The following FREM2 variants were observed in gnomAD, a reference collection of about 807,000 sequenced individuals.
The protein encoded by FREM2 is FRAS1 related extracellular matrix 2.
In FREM2, 119 loss-of-function variants were observed where a neutral mutation model predicts 219.9. The observed-to-expected ratio is 0.54, with a 90% CI of 0.47 to 0.63. The LOEUF (loss-of-function observed/expected upper bound fraction) is 0.63, where lower values mean the gene tolerates loss of function less well. Ranked by LOEUF, FREM2 falls within the 30% of genes least tolerant of loss-of-function variation. FREM2 has a pLI of 0.00. For missense variants in FREM2, 4,030 were observed against 3,993.6 expected (o/e 1.01, Z -0.25); for synonymous variants, 1,562 against 1,522.8 (o/e 1.03, Z -0.60).
At chr13:38,809,688 C>T (rs1167760162) in intron 6 of FREM2, among the ~76,000 whole-genome samples, 2 of 151,914 alleles carry the variant, frequency 1.3e-5, no homozygotes, top group Admixed American at 6.6e-5. Context: ...GTCTAAGTGT[C>T]TGTAGATAGT....
intron 2 of FREM2, among the ~76,000 whole-genome samples, chr13:38,699,698 C>A (rs1174797916): frequency 1.3e-5 from 2 of 152,014 alleles, no homozygotes; most frequent in Non-Finnish European, 2.9e-5. Context: ...TACTTTAATT[C>A]CCCTGATATA....
intron 2 of FREM2, among the ~76,000 whole-genome samples, chr13:38,704,934 G>A (rs182193691): frequency 2.0e-5 from 3 of 152,078 alleles, no homozygotes; most frequent in East Asian, 1.9e-4. Flanking sequence ...CATGAGAACC[G>A]CATGGGGGAA....
At chr13:38,773,576 GTGTT>G (rs373391706) in intron 4 of FREM2, among the ~76,000 whole-genome samples, 2 of 151,966 alleles carry the variant, frequency 1.3e-5, no homozygotes, top group African/African-American at 4.8e-5. Flanking sequence ...TTGTTTCGTT[GTGTT>G]TGTTTGTTTT....
At chr13:38,838,162 C>A (rs1293666334) in intron 6 of FREM2, among the ~76,000 whole-genome samples, 2 of 152,158 alleles carry the variant, frequency 1.3e-5, no homozygotes, top group African/African-American at 4.8e-5. Flanking sequence ...CTGGTCATGA[C>A]AAAATGCTTC....
Position 38,851,813 on chromosome 13 carries a change from C to T in FREM2, c.6870C>T (p.Val2290=). The part of the protein sequence containing the change: ...GDTSKVSIVR[V]HTKDGSATSG... ...CTTCAAAGGTTTCCATTGTGAGAGT[C>T]CACACCAAGGATGGCTCGGCCACCT... Residue 2290 remains valine (V), a synonymous_variant, in exon 11 of 24, where the codon GTC becomes GTT. Coordinates refer to ENST00000280481, the MANE Select transcript of FREM2 (RefSeq NM_207361.6). 6.2e-7 allele frequency: 1 copy of T among 1,613,964 alleles called. No individual in the cohort carries two copies. Among genetic ancestry groups the T allele is most frequent in the Non-Finnish European group, 8.5e-7 (1 of 1,179,898 alleles).
intron 6 of FREM2, among the ~76,000 whole-genome samples, chr13:38,797,639 C>A (rs1357784998): frequency 6.6e-6 from 1 of 151,946 alleles, no homozygotes; most frequent in Non-Finnish European, 1.5e-5. Context: ...ATTTTCATTT[C>A]TCTCTCTGTG....
chr13:38,807,213 ATATATATATATATATG>A (rs1279505831), intron 6 of FREM2, among the ~76,000 whole-genome samples: 9 of 117,062 alleles, frequency 7.7e-5, no homozygotes, highest in South Asian at 5.7e-4. Context: ...ATATATATAT[ATATATATATATATATG>A]TATGGTTTTG....
Position 38,884,313 on chromosome 13 carries a change from A to G in FREM2, c.*3526A>G, listed in dbSNP as rs1393552186. The G allele has an allele frequency of 6.6e-6, 1 of 152,210 alleles. No individual in the cohort carries two copies. Among genetic ancestry groups the G allele is most frequent in the Middle Eastern group, 3.2e-3 (1 of 316 alleles). 9.4% of individuals were successfully genotyped at this position (152,210 alleles called of 1,614,324 possible). A position where few individuals can be genotyped will look rare whatever the true frequency, so the allele number is the denominator to read the frequency against. ...ATTAAAAATGTAAATGGACCTGTGT[A>G]AATATCACAGAGAGCTTTTCCTTAT... is the stretch of plus-strand genomic sequence containing the variant. On this transcript the variant is annotated 3_prime_UTR_variant, in exon 24 of 24. Coordinates refer to ENST00000280481, the MANE Select transcript of FREM2 (RefSeq NM_207361.6).
At chr13:38,732,237 C>T (rs1046010109) in intron 2 of FREM2, among the ~76,000 whole-genome samples, 1 of 152,152 alleles carries the variant, frequency 6.6e-6, no homozygotes, top group South Asian at 2.1e-4. Flanking sequence ...ATTATTCACT[C>T]CTGGATTTTT....
chr13:38,856,285 A>G (rs750668524), intron 12 of FREM2, 29 bp downstream of exon 12: 1 of 1,603,996 alleles, frequency 6.2e-7, no homozygotes. Flanking sequence ...ATGTAAATTC[A>G]TGGCTAGCAG....
intron 11 of FREM2, among the ~76,000 whole-genome samples, chr13:38,855,576 C>T (rs148465570): frequency 2.6e-5 from 4 of 152,210 alleles, no homozygotes; most frequent in Middle Eastern, 3.4e-3. Context: ...ATCGGCATTC[C>T]TAGCAACCTG....
chr13:38,881,785 C>G lies in FREM2; in HGVS notation c.*998C>G, dbSNP rs1230519057. On this transcript the variant is annotated 3_prime_UTR_variant, in exon 24 of 24. Coordinates refer to ENST00000280481, the MANE Select transcript of FREM2 (RefSeq NM_207361.6). ...ATAATCAGAGTGCCTCTTATACATACTTTATAGAATAAAGGAACATTTTGA... is the reference window on the plus strand; with the variant it reads ...ATAATCAGAGTGCCTCTTATACATAGTTTATAGAATAAAGGAACATTTTGA... 1 of 152,392 alleles carries G rather than the reference C, an allele frequency of 6.6e-6. No individual in the cohort carries two copies. The highest frequency in any genetic ancestry group is 1.5e-5 in the Non-Finnish European group (1 of 68,034). The allele number at this position is 152,392 out of a possible 1,614,324, so 9.4% of individuals were successfully genotyped here.
intron 6 of FREM2, chr13:38,827,265 C>T (rs987306001): frequency 6.6e-6 from 1 of 152,010 alleles, no homozygotes; most frequent in Non-Finnish European, 1.5e-5. Flanking sequence ...AAAATAATCA[C>T]CTCTACAGCT....
At position 38,786,193 on chromosome 13, in the gene FREM2, T is replaced by C. The variant is rs144700704; in HGVS notation, c.6019+1385T>C. ...CTGTAATTTTGTGTCCTTTAACTAA[T>C]CTTCCCCCATATCCCCCATCTTTCC... On this transcript the variant is annotated intron_variant, in intron 6 of 23. Transcript: ENST00000280481. 2.8e-3 allele frequency among the ~76,000 whole-genome samples: 422 copies of C among 152,318 alleles called. 3 individuals carry two copies. The highest frequency in any genetic ancestry group is 9.7e-3 in the African/African-American group (405 of 41,582).
intron 2 of FREM2, among the ~76,000 whole-genome samples, chr13:38,712,277 A>T (rs938677789): frequency 2.0e-5 from 3 of 152,184 alleles, no homozygotes; most frequent in African/African-American, 7.2e-5. Context: ...GCTCTTCTGC[A>T]ATACTCTAGA....
intron 6 of FREM2, among the ~76,000 whole-genome samples, chr13:38,846,057 T>G (rs1011898247): frequency 6.6e-6 from 1 of 152,186 alleles, no homozygotes; most frequent in Admixed American, 6.5e-5. Context: ...TCAGTCTAGT[T>G]ATGACAGTAG....
chr13:38,700,855 G>A (rs867292164), intron 2 of FREM2, among the ~76,000 whole-genome samples: 13 of 152,224 alleles, frequency 8.5e-5, no homozygotes, highest in Middle Eastern at 3.4e-3. Context: ...AGTGAAGTCA[G>A]AGTAGGATCT....
intron 1 of FREM2, among the ~76,000 whole-genome samples, chr13:38,696,700 G>T (rs925276611): frequency 6.6e-5 from 10 of 152,034 alleles, no homozygotes; most frequent in African/African-American, 9.7e-5. Flanking sequence ...TTTAAAAATT[G>T]TGTCTTCATA....
rs1877553978 is a variant in FREM2 at position 38,856,208 on chromosome 13, C to T, written c.7008C>T (p.Ala2336=). The change falls in exon 12 of 24, where the codon GCC becomes GCT. Residue 2336 remains alanine (A), a synonymous_variant. Transcript: ENST00000280481. The part of the protein sequence containing the change: ...TFDGVREMRE[A]FTVHLKPDEN... ...ACGGGGTGAGAGAGATGAGAGAGGCCTTCACTGTTCACCTAAAACCTGATG... is the reference window on the plus strand; with the variant it reads ...ACGGGGTGAGAGAGATGAGAGAGGCTTTCACTGTTCACCTAAAACCTGATG... 1 of 1,612,618 alleles carries T rather than the reference C, an allele frequency of 6.2e-7. No individual in the cohort carries two copies.
Sources: gnomAD v4.1 joint callset for allele counts (sites outside exome capture counted in the v4.1 genomes callset) on GRCh38, gnomAD v4.1.1 for gene constraint, MANE v1.5 for transcripts, NCBI Gene and HGNC (gene_info 2026-07-23, HGNC 2026-07-21) for gene names.